INPP5B: variants seen among roughly 807,000 people sequenced by gnomAD.
The protein encoded by INPP5B is type II inositol 1,4,5-trisphosphate 5-phosphatase.
A neutral mutation model predicts 118.5 loss-of-function variants in INPP5B; 90 were observed. That is an observed-to-expected ratio of 0.76 (90% CI 0.64 to 0.90). The LOEUF (loss-of-function observed/expected upper bound fraction) is 0.90, where lower values mean the gene tolerates loss of function less well. Ranked by LOEUF, INPP5B falls within the 40% of genes least tolerant of loss-of-function variation. The pLI, the probability that INPP5B is intolerant of heterozygous loss-of-function variation, is 0.00. For missense variants in INPP5B, 984 were observed against 1,125.6 expected (o/e 0.87, Z 1.80); for synonymous variants, 385 against 418.9 (o/e 0.92, Z 0.99).
At chr1:37,872,880 G>T in intron 19 of INPP5B, 50 bp downstream of exon 19, 1 of 1,396,712 alleles carries the variant, frequency 7.2e-7, no homozygotes, top group Non-Finnish European at 1.0e-6. Context: ...TTGTTTGACT[G>T]GCTTGTCTGC....
intron 7 of INPP5B, among the ~76,000 whole-genome samples, chr1:37,900,915 G>C (rs955359782): frequency 1.3e-5 from 2 of 151,628 alleles, no homozygotes; most frequent in African/African-American, 4.8e-5. Context: ...AGGTTCAAGC[G>C]ATTCTCCTGC....
chr1:37,867,324 G>A (rs1642107519), intron 20 of INPP5B, among the ~76,000 whole-genome samples: 1 of 152,200 alleles, frequency 6.6e-6, no homozygotes, highest in Admixed American at 6.5e-5. Context: ...CCATATAACT[G>A]TATTAATAAT....
At chr1:37,932,600 C>G (rs1297452958) in intron 6 of INPP5B, among the ~76,000 whole-genome samples, 1 of 152,110 alleles carries the variant, frequency 6.6e-6, no homozygotes, top group Non-Finnish European at 1.5e-5. Flanking sequence ...ATCTCCTGAC[C>G]TCATGATCCA....
intron 6 of INPP5B, among the ~76,000 whole-genome samples, chr1:37,935,009 C>T (rs992198484): frequency 1.3e-5 from 2 of 151,056 alleles, no homozygotes; most frequent in Non-Finnish European, 3.0e-5. Context: ...ACCATCCTGG[C>T]TAACACGGTG....
At chr1:37,900,593 A>G (rs1479890479) in intron 7 of INPP5B, among the ~76,000 whole-genome samples, 1 of 144,970 alleles carries the variant, frequency 6.9e-6, no homozygotes, top group Non-Finnish European at 1.5e-5. Context: ...GTTCCCACAG[A>G]TCTCCATGTT....
At position 37,861,590 on chromosome 1, in the gene INPP5B, C is replaced by T. The variant is rs1348467324; in HGVS notation, c.*725G>A. On this transcript the variant is annotated 3_prime_UTR_variant, in exon 24 of 24. Coordinates refer to ENST00000373024, the MANE Select transcript of INPP5B (RefSeq NM_005540.3). The stretch of plus-strand genomic sequence containing the variant: ...AAAACACACAAAAAAATTAGCCAGG[C>T]ATGGTGGCGGACGCCTATAATCCCA... The T allele has an allele frequency of 6.6e-6, 1 of 152,210 alleles. No homozygotes were observed. The highest frequency in any genetic ancestry group is 1.5e-5 in the Non-Finnish European group (1 of 68,114). The allele number at this position is 152,210 out of a possible 1,614,324, so 9.4% of individuals were successfully genotyped here.
At chr1:37,865,584 G>A (rs989200834) in intron 22 of INPP5B, among the ~76,000 whole-genome samples, 177 bp downstream of exon 22, 3 of 152,146 alleles carry the variant, frequency 2.0e-5, no homozygotes, top group Admixed American at 1.3e-4. Flanking sequence ...TTGACTCACT[G>A]GAATTAAGGG....
intron 7 of INPP5B, among the ~76,000 whole-genome samples, chr1:37,924,486 A>C (rs1185757654): frequency 6.6e-6 from 1 of 151,848 alleles, no homozygotes; most frequent in Non-Finnish European, 1.5e-5. Context: ...CCCATTTCTA[A>C]TTGTATTTCC....
At chr1:37,883,426 G>A in intron 13 of INPP5B, 1 of 985,382 alleles carries the variant, frequency 1.0e-6, no homozygotes, top group Non-Finnish European at 1.2e-6. Context: ...GTATATCATT[G>A]GTTGGCTCTT....
At chr1:37,935,896 C>A (rs1557723362) in intron 6 of INPP5B, among the ~76,000 whole-genome samples, 1 of 151,804 alleles carries the variant, frequency 6.6e-6, no homozygotes, top group Admixed American at 6.6e-5. Context: ...GAAACCCAGT[C>A]TCTATTAAAA....
rs1218824328 is a variant in INPP5B, at chr1:37,874,052, T to A, written c.1892A>T (p.Glu631Val). ...CAGCCACTGCTTACAGTAAGACTCT[T>A]CATCAGGCTTGTTGATGAATTCAAA... ...CHFEFINKPD[E>V]ESYCKQWLNA... The change falls in exon 18 of 24, where the codon GAA (glutamate) becomes GTA (valine). Residue 631 changes from glutamate to valine, a missense_variant. Coordinates refer to ENST00000373024, the MANE Select transcript of INPP5B (RefSeq NM_005540.3). 1 of 1,607,606 alleles carries A rather than the reference T, an allele frequency of 6.2e-7. No individual in the cohort carries two copies. The highest frequency in any genetic ancestry group is 1.3e-5 in the African/African-American group (1 of 74,868).
Position 37,933,298 on chromosome 1 carries a change from C to T in INPP5B, c.392-1245G>A, listed in dbSNP as rs573158546. 2.3e-4 allele frequency among the ~76,000 whole-genome samples: 35 copies of T among 152,346 alleles called. No homozygotes were observed. In the East Asian group the frequency reaches 4.8e-3, roughly 21 times the overall value. On this transcript the variant is annotated intron_variant, in intron 6 of 23. Transcript: ENST00000373024. ...AGGGCCAGGCGCATGCCTGTAATCC[C>T]AGCACTTTGGGAGGCTGAGGCGGGC...
intron 6 of INPP5B, among the ~76,000 whole-genome samples, chr1:37,933,588 C>T (rs1455811384): frequency 2.0e-5 from 3 of 151,538 alleles, no homozygotes; most frequent in Admixed American, 6.6e-5. Context: ...GGTGTGGTGG[C>T]GGGCACCTGT....
At chr1:37,889,070 C>T (rs899745) in intron 9 of INPP5B, among the ~76,000 whole-genome samples, 152,230 of 152,232 alleles carry the variant, frequency 1, 76,114 homozygotes, top group Non-Finnish European at 1. Context: ...GTGGGCAACA[C>T]AGTGCGACCC....
intron 7 of INPP5B, chr1:37,930,060 A>C (rs1645391171): frequency 6.6e-6 from 1 of 152,030 alleles, no homozygotes; most frequent in South Asian, 2.1e-4. Context: ...CTATTTATTT[A>C]TTTATTTTAG....
At chr1:37,933,019 T>A (rs1645548837) in intron 6 of INPP5B, among the ~76,000 whole-genome samples, 1 of 152,180 alleles carries the variant, frequency 6.6e-6, no homozygotes, top group Admixed American at 6.6e-5. Context: ...CCACCTGCTC[T>A]GTCTGTAGAG....
In INPP5B at chr1:37,894,274, C is replaced by T. The variant is rs183566010; in HGVS notation, c.533-2820G>A. ...GCCATATCTTAGAGGTCATTTCCTC[C>T]AAGAAGACTTCTCTAACCTCTCCTA... On this transcript the variant is annotated intron_variant, in intron 7 of 23. Coordinates refer to ENST00000373024, the MANE Select transcript of INPP5B (RefSeq NM_005540.3). 2.6e-5 allele frequency among the ~76,000 whole-genome samples: 4 copies of T among 152,282 alleles called. No individual in the cohort carries two copies. The East Asian group carries it at 7.7e-4, about 29-fold the overall frequency.
chr1:37,881,654 TC>T (rs2148493114), intron 14 of INPP5B, among the ~76,000 whole-genome samples: 1 of 152,262 alleles, frequency 6.6e-6, no homozygotes, highest in African/African-American at 2.4e-5. Flanking sequence ...TACAACTACT[TC>T]AGGAAAGACC....
intron 6 of INPP5B, among the ~76,000 whole-genome samples, chr1:37,932,348 A>ATTTTC (rs1420044634): frequency 2.2e-5 from 3 of 138,248 alleles, no homozygotes; most frequent in Non-Finnish European, 3.1e-5. Context: ...TATTATCCCA[A>ATTTTC]TTTTCTTTTC....
Sources: gnomAD v4.1 joint callset for allele counts (sites outside exome capture counted in the v4.1 genomes callset) on GRCh38, gnomAD v4.1.1 for gene constraint, MANE v1.5 for transcripts, NCBI Gene and HGNC (gene_info 2026-07-23, HGNC 2026-07-21) for gene names.